Variants in ADGRB3 observed in about 807,000 individuals in gnomAD.
ADGRB3 encodes the protein adhesion G protein-coupled receptor B3.
In ADGRB3, 37 loss-of-function variants were observed where a neutral mutation model predicts 193.4. The ratio of observed to expected loss-of-function variants is 0.19; its 90% CI spans 0.15 to 0.25. The LOEUF (loss-of-function observed/expected upper bound fraction) is 0.25. Among genes scored for constraint, ADGRB3 ranks in the 10% least tolerant of loss-of-function variants. ADGRB3 has a pLI of 1.00. For missense variants in ADGRB3, 1,637 were observed against 1,852.9 expected, an observed-to-expected ratio of 0.88 and a Z score of 2.14; for synonymous variants, 690 against 644.2, an observed-to-expected ratio of 1.07 and a Z score of -1.08.
intron 11 of ADGRB3, among the ~76,000 whole-genome samples, chr6:68,995,659 C>T (rs1364975008): frequency 6.6e-6 from 1 of 152,146 alleles, no homozygotes; most frequent in Non-Finnish European, 1.5e-5. Context: ...TACACAAAGT[C>T]CTAAGCACGT....
At chr6:69,093,569 C>A (rs140459211) in intron 17 of ADGRB3, among the ~76,000 whole-genome samples, 1 of 145,204 alleles carries the variant, frequency 6.9e-6, no homozygotes, top group African/African-American at 2.6e-5. Context: ...GGGAGAGGGG[C>A]GAGAGGCCAA....
intron 13 of ADGRB3, among the ~76,000 whole-genome samples, chr6:69,040,050 G>A (rs530397537): frequency 5.0e-4 from 76 of 152,020 alleles, no homozygotes; most frequent in Non-Finnish European, 7.2e-4. Flanking sequence ...CTACATAATC[G>A]TTTTGAGATA....
At chr6:69,298,521 C>T (rs746081836) in intron 20 of ADGRB3, among the ~76,000 whole-genome samples, 7 of 151,978 alleles carry the variant, frequency 4.6e-5, no homozygotes, top group Non-Finnish European at 1.0e-4. Flanking sequence ...TAAGCATCTC[C>T]TCTTTATTAC....
At chr6:69,150,032 G>A (rs76281041) in intron 17 of ADGRB3, among the ~76,000 whole-genome samples, 2,138 of 151,374 alleles carry the variant, frequency 0.014, 87 homozygotes, top group East Asian at 0.1. Context: ...CCACAACCAC[G>A]GGGACTTCTC....
chr6:68,828,089 T>A (rs1021232582), intron 3 of ADGRB3, among the ~76,000 whole-genome samples: 1 of 152,182 alleles, frequency 6.6e-6, no homozygotes, highest in Admixed American at 6.5e-5. Flanking sequence ...TACGTGACAT[T>A]CATTGTTTTA....
chr6:68,864,020 T>C (rs1392794441), intron 3 of ADGRB3, among the ~76,000 whole-genome samples: 2 of 152,184 alleles, frequency 1.3e-5, no homozygotes, highest in Non-Finnish European at 2.9e-5. Context: ...TATAATTCAG[T>C]ATTTATACCC....
At chr6:68,820,681 C>G (rs145311622) in intron 3 of ADGRB3, among the ~76,000 whole-genome samples, 6 of 152,164 alleles carry the variant, frequency 3.9e-5, no homozygotes, top group African/African-American at 1.4e-4. Flanking sequence ...AACCATCATT[C>G]TACTCTCTAT....
At chr6:69,055,656 A>G (rs1771523619) in intron 15 of ADGRB3, among the ~76,000 whole-genome samples, 1 of 152,172 alleles carries the variant, frequency 6.6e-6, no homozygotes, top group Non-Finnish European at 1.5e-5. Context: ...TATACTCAGA[A>G]GAGAGATCAT....
At chr6:68,989,372 G>T (rs548884570) in intron 10 of ADGRB3, among the ~76,000 whole-genome samples, 3 of 152,048 alleles carry the variant, frequency 2.0e-5, no homozygotes, top group Non-Finnish European at 4.4e-5. Context: ...TGAAATTAAT[G>T]AATAGAATAA....
chr6:69,048,580 G>A (rs1421763898), intron 14 of ADGRB3, among the ~76,000 whole-genome samples: 1 of 151,814 alleles, frequency 6.6e-6, no homozygotes, highest in Non-Finnish European at 1.5e-5. Context: ...AGTTTGACAT[G>A]GTCAAGTTTC....
chr6:69,133,484 C>T (rs565484332), intron 17 of ADGRB3, among the ~76,000 whole-genome samples: 1 of 152,016 alleles, frequency 6.6e-6, no homozygotes, highest in East Asian at 1.9e-4. Flanking sequence ...TAATAGCCTA[C>T]CAACCAAAAA....
At chr6:68,828,092 T>C (rs498801) in intron 3 of ADGRB3, among the ~76,000 whole-genome samples, 112,824 of 152,138 alleles carry the variant, frequency 0.74, 42,354 homozygotes, top group African/African-American at 0.85. Flanking sequence ...GTGACATTCA[T>C]TGTTTTATGA....
intron 17 of ADGRB3, among the ~76,000 whole-genome samples, chr6:69,208,934 G>A (rs1765597738): frequency 6.6e-6 from 1 of 152,182 alleles, no homozygotes; most frequent in African/African-American, 2.4e-5. Flanking sequence ...CAAACATTCA[G>A]TTTCCACCAA....
intron 17 of ADGRB3, among the ~76,000 whole-genome samples, chr6:69,170,919 GCTGT>G (rs1173925724): frequency 6.6e-5 from 10 of 152,234 alleles, no homozygotes; most frequent in Admixed American, 5.2e-4. Context: ...ATCAATTAGT[GCTGT>G]CTAACTGAAA....
intron 17 of ADGRB3, among the ~76,000 whole-genome samples, chr6:69,167,114 A>G (rs1458113233): frequency 6.6e-6 from 1 of 152,086 alleles, no homozygotes; most frequent in Non-Finnish European, 1.5e-5. Flanking sequence ...TTGGGCATTT[A>G]TTGCTCATCC....
At chr6:69,113,384 A>G (rs1007234150) in intron 17 of ADGRB3, among the ~76,000 whole-genome samples, 3 of 152,026 alleles carry the variant, frequency 2.0e-5, no homozygotes, top group African/African-American at 2.4e-5. Context: ...ATGTATGTAT[A>G]TATGTGTGTA....
Position 68,981,926 on chromosome 6 carries a change from A to C in ADGRB3, c.1734+6586A>C, listed in dbSNP as rs931111875. On this transcript the variant is annotated intron_variant, in intron 10 of 31. Transcript: ENST00000370598. The stretch of plus-strand genomic sequence containing the variant: ...AGAGTCTCACTCTATTGCCCAGGCT[A>C]GAGTGCAATGGTGCGATCTCGGCTC... 7.7e-5 allele frequency among the ~76,000 whole-genome samples: 11 copies of C among 143,458 alleles called. 2 individuals are homozygous for C. The highest frequency in any genetic ancestry group is 3.2e-5 in the Non-Finnish European group (2 of 62,350). The allele number at this position is 143,458 out of a possible 152,430, so 94.1% of individuals were successfully genotyped here. A position where few individuals can be genotyped will look rare whatever the true frequency, so the allele number is the denominator to read the frequency against.
At chr6:68,828,964 T>A (rs189778959) in intron 3 of ADGRB3, among the ~76,000 whole-genome samples, 105 of 152,204 alleles carry the variant, frequency 6.9e-4, no homozygotes, top group African/African-American at 2.3e-3. Flanking sequence ...TTATAATTTT[T>A]AAAATTTTCC....
chr6:69,369,426 G>A (rs1769658544), intron 29 of ADGRB3, among the ~76,000 whole-genome samples: 1 of 152,086 alleles, frequency 6.6e-6, no homozygotes, highest in Non-Finnish European at 1.5e-5. Context: ...AGGCTGGGGT[G>A]GAGCCTCACG....
Sources: gnomAD v4.1 joint callset for allele counts (sites outside exome capture counted in the v4.1 genomes callset) on GRCh38, gnomAD v4.1.1 for gene constraint, MANE v1.5 for transcripts, NCBI Gene and HGNC (gene_info 2026-07-23, HGNC 2026-07-21) for gene names.